WWOX: variants seen among roughly 807,000 people sequenced by gnomAD.
WWOX encodes WW domain-containing oxidoreductase.
A neutral mutation model predicts 46.2 loss-of-function variants in WWOX; 69 were observed. That is an observed-to-expected ratio of 1.49 (90% CI 1.23 to 1.82). WWOX has a LOEUF of 1.82. Among genes scored for constraint, WWOX ranks in the 40% most tolerant of loss-of-function variants. The pLI, the probability that WWOX is intolerant of heterozygous loss-of-function variation, is 0.00. For synonymous variants in WWOX, 359 were observed against 202.6 expected (o/e 1.77, Z -6.56); for missense variants, 919 against 542.6 (o/e 1.69, Z -6.89).
intron 8 of WWOX, among the ~76,000 whole-genome samples, chr16:79,025,863 A>T (rs58721019): frequency 1.3e-3 from 185 of 143,526 alleles, no homozygotes; most frequent in Non-Finnish European, 2.2e-3. Context: ...CAACGGCACA[A>T]TCTTGGTTCA....
At position 79,092,821 on chromosome 16, in the gene WWOX, C is replaced by T. The variant is rs140012386; in HGVS notation, c.1057-118787C>T. 9.8e-3 allele frequency among the ~76,000 whole-genome samples: 1,488 copies of T among 152,216 alleles called. 18 individuals carry two copies. Among genetic ancestry groups the T allele is most frequent in the Non-Finnish European group, 0.011 (747 of 68,026 alleles). On this transcript the variant is annotated intron_variant, in intron 8 of 8. Coordinates refer to ENST00000566780, the MANE Select transcript of WWOX (RefSeq NM_016373.4). ...CTCCTTCATAAACCCTAGGCCATCC[C>T]GAGGCTGTCTCACTCAGGCCCCTCA... is the stretch of plus-strand genomic sequence containing the variant.
intron 8 of WWOX, among the ~76,000 whole-genome samples, chr16:78,463,631 A>G (rs185084673): frequency 1.2e-3 from 179 of 152,310 alleles, no homozygotes; most frequent in African/African-American, 3.6e-3. Context: ...AATCTGGCAC[A>G]TAGTAGGTTC....
At chr16:78,546,125 T>C (rs2044025640) in intron 8 of WWOX, among the ~76,000 whole-genome samples, 2 of 152,266 alleles carry the variant, frequency 1.3e-5, no homozygotes, top group South Asian at 2.1e-4. Context: ...AGAAAGACGG[T>C]CTTTAAAGAA....
At chr16:78,153,578 A>C (rs755349451) in intron 4 of WWOX, among the ~76,000 whole-genome samples, 1 of 152,054 alleles carries the variant, frequency 6.6e-6, no homozygotes, top group Non-Finnish European at 1.5e-5. Context: ...TGGTTCCTAA[A>C]GATCGTTTTA....
intron 8 of WWOX, among the ~76,000 whole-genome samples, chr16:78,758,986 T>C (rs926310587): frequency 1.3e-5 from 2 of 151,564 alleles, no homozygotes; most frequent in African/African-American, 2.4e-5. Context: ...CAGGGCATAT[T>C]TTAGGTGTGT....
chr16:78,838,105 G>A (rs1317184257), intron 8 of WWOX, among the ~76,000 whole-genome samples: 2 of 152,172 alleles, frequency 1.3e-5, no homozygotes, highest in African/African-American at 2.4e-5. Flanking sequence ...TTGTGGGGAA[G>A]GCTGGTAGCT....
intron 8 of WWOX, chr16:78,825,678 C>A: frequency 1.9e-6 from 1 of 533,054 alleles, no homozygotes; most frequent in South Asian, 1.7e-5. Context: ...CATAGGCTGC[C>A]AAGCTGTGGT....
At chr16:78,609,774 G>A (rs142353096) in intron 8 of WWOX, among the ~76,000 whole-genome samples, 1,633 of 152,320 alleles carry the variant, frequency 0.011, 12 homozygotes, top group Non-Finnish European at 0.018. Context: ...AGTACAGGAA[G>A]CTATACCATG....
chr16:78,352,321 A>G (rs1470361392), intron 5 of WWOX, among the ~76,000 whole-genome samples: 1 of 152,166 alleles, frequency 6.6e-6, no homozygotes, highest in Non-Finnish European at 1.5e-5. Context: ...CAAAAGTTAC[A>G]CTTTACAGTT....
intron 8 of WWOX, among the ~76,000 whole-genome samples, chr16:79,134,600 G>GACACATACAGACACCCACACCC: frequency 6.6e-6 from 1 of 152,088 alleles, no homozygotes; most frequent in Non-Finnish European, 1.5e-5. Flanking sequence ...TATAAATGCA[G>GACACATACAGACACCCACACCC]ACACATACAG....
intron 5 of WWOX, among the ~76,000 whole-genome samples, chr16:78,256,850 T>G (rs1261696330): frequency 6.6e-6 from 1 of 152,002 alleles, no homozygotes; most frequent in East Asian, 1.9e-4. Context: ...TCTCTATCAT[T>G]TCGTAGTCTA....
At chr16:78,693,106 C>G (rs567368063) in intron 8 of WWOX, among the ~76,000 whole-genome samples, 1 of 152,298 alleles carries the variant, frequency 6.6e-6, no homozygotes, top group East Asian at 1.9e-4. Context: ...GAAGGTTCAG[C>G]AAGATGCTTG....
chr16:78,951,859 A>G (rs374398668), intron 8 of WWOX, among the ~76,000 whole-genome samples: 1 of 152,196 alleles, frequency 6.6e-6, no homozygotes, highest in Non-Finnish European at 1.5e-5. Flanking sequence ...TGCCAAAGGC[A>G]GATAGCAACA....
intron 8 of WWOX, among the ~76,000 whole-genome samples, chr16:78,859,157 G>T (rs562469630): frequency 6.7e-6 from 1 of 149,988 alleles, no homozygotes; most frequent in Non-Finnish European, 1.5e-5. Context: ...CTGAGACACT[G>T]GGGAGAACCC....
At chr16:79,170,556 T>C (rs1019789451) in intron 8 of WWOX, among the ~76,000 whole-genome samples, 2 of 152,146 alleles carry the variant, frequency 1.3e-5, no homozygotes, top group Non-Finnish European at 2.9e-5. Context: ...TGACTGTAAA[T>C]TACTTCTCTA....
intron 8 of WWOX, among the ~76,000 whole-genome samples, chr16:78,672,001 A>G (rs1381156051): frequency 6.6e-6 from 1 of 152,168 alleles, no homozygotes; most frequent in Non-Finnish European, 1.5e-5. Context: ...CAAAAGCAGG[A>G]ACATCATCTG....
intron 8 of WWOX, among the ~76,000 whole-genome samples, chr16:78,818,540 G>C (rs1354204097): frequency 3.9e-5 from 6 of 152,192 alleles, no homozygotes; most frequent in Admixed American, 2.0e-4. Flanking sequence ...AGATCAGTCT[G>C]GCCAACACAG....
intron 4 of WWOX, among the ~76,000 whole-genome samples, chr16:78,145,558 T>C (rs1237515812): frequency 1.3e-5 from 2 of 152,182 alleles, no homozygotes; most frequent in South Asian, 2.1e-4. Flanking sequence ...GCTGATTAGA[T>C]GGTACCAACC....
intron 8 of WWOX, among the ~76,000 whole-genome samples, chr16:78,817,049 C>G (rs1414706899): frequency 6.6e-6 from 1 of 151,912 alleles, no homozygotes; most frequent in Non-Finnish European, 1.5e-5. Context: ...GTCTGAAGTA[C>G]GTTTGTGGAA....
Sources: allele counts gnomAD v4.1 joint callset (sites outside exome capture counted in the v4.1 genomes callset), GRCh38; gene constraint gnomAD v4.1.1; transcripts MANE v1.5; gene names NCBI Gene and HGNC (gene_info 2026-07-23, HGNC 2026-07-21).